Variants in WWC1 observed in about 807,000 individuals in gnomAD.
The protein encoded by WWC1 is WW and C2 domain containing 1.
A neutral mutation model predicts 138.4 loss-of-function variants in WWC1; 55 were observed. The observed-to-expected ratio is 0.40, with a 90% CI of 0.32 to 0.50. The LOEUF (loss-of-function observed/expected upper bound fraction) is 0.50, where lower values mean the gene tolerates loss of function less well. Ranked by LOEUF, WWC1 falls within the 20% of genes least tolerant of loss-of-function variation. WWC1 has a pLI of 0.72. For synonymous variants in WWC1, 524 were observed against 564.9 expected, an observed-to-expected ratio of 0.93 and a Z score of 1.03; for missense variants, 1,226 against 1,420.4, an observed-to-expected ratio of 0.86 and a Z score of 2.20.
chr5:168,355,686 G>T (rs1356889999), intron 1 of WWC1, among the ~76,000 whole-genome samples: 1 of 152,018 alleles, frequency 6.6e-6, no homozygotes, highest in Non-Finnish European at 1.5e-5. Flanking sequence ...AGCAGGTCAG[G>T]GGCAAGGAGT....
intron 3 of WWC1, among the ~76,000 whole-genome samples, chr5:168,386,428 T>A (rs1778053158): frequency 6.6e-6 from 1 of 151,840 alleles, no homozygotes; most frequent in Non-Finnish European, 1.5e-5. Flanking sequence ...AGTCTCGCTC[T>A]GTTGCCCAGG....
intron 16 of WWC1, 111 bp from the exon 17 acceptor site, chr5:168,444,383 G>A: frequency 1.8e-6 from 2 of 1,127,614 alleles, no homozygotes; most frequent in Admixed American, 2.3e-5. Flanking sequence ...CTGGTCTTTG[G>A]TTTCACCATC....
intron 11 of WWC1, among the ~76,000 whole-genome samples, chr5:168,426,835 G>A (rs1781541449): frequency 6.6e-6 from 1 of 152,246 alleles, no homozygotes; most frequent in African/African-American, 2.4e-5. Context: ...TGTTAGCTGT[G>A]AGGTTGTAAG....
At chr5:168,419,739 A>G (rs1161401583) in intron 9 of WWC1, among the ~76,000 whole-genome samples, 9 of 152,132 alleles carry the variant, frequency 5.9e-5, no homozygotes, top group African/African-American at 2.2e-4. Flanking sequence ...CTTGCTCGAT[A>G]GGGCCCTTTA....
At chr5:168,316,454 T>C (rs1771606446) in intron 1 of WWC1, among the ~76,000 whole-genome samples, 1 of 152,102 alleles carries the variant, frequency 6.6e-6, no homozygotes, top group Admixed American at 6.6e-5. Context: ...GGTGTTTTTG[T>C]GGGGCTGGCT....
chr5:168,369,330 G>A (rs917352241), intron 1 of WWC1, among the ~76,000 whole-genome samples: 2 of 152,208 alleles, frequency 1.3e-5, no homozygotes, highest in African/African-American at 4.8e-5. Context: ...GAGAAGGAAA[G>A]TAAGTTGCCT....
chr5:168,391,762 T>C (rs1323728542), intron 3 of WWC1, among the ~76,000 whole-genome samples: 2 of 42,024 alleles, frequency 4.8e-5, no homozygotes, highest in East Asian at 7.8e-4. Context: ...TTTTAAGGCA[T>C]ATATATATAT....
intron 13 of WWC1, 34 bp downstream of exon 13, chr5:168,428,821 G>C: frequency 2.5e-6 from 4 of 1,608,452 alleles, no homozygotes; most frequent in Non-Finnish European, 3.4e-6. Flanking sequence ...CAGAAGGAAC[G>C]GTCTGTGTGG....
At chr5:168,368,004 C>CT (rs1437470856) in intron 1 of WWC1, among the ~76,000 whole-genome samples, 1 of 151,994 alleles carries the variant, frequency 6.6e-6, no homozygotes, top group African/African-American at 2.4e-5. Flanking sequence ...TAACAGTATC[C>CT]TGTAGCTTTT....
chr5:168,437,290 C>G (rs568211698), intron 15 of WWC1, among the ~76,000 whole-genome samples: 44 of 152,158 alleles, frequency 2.9e-4, no homozygotes, highest in Non-Finnish European at 5.1e-4. Context: ...CCTACAGCAC[C>G]TTTTATCACC....
chr5:168,300,414 G>A (rs1769954889), intron 1 of WWC1, among the ~76,000 whole-genome samples: 1 of 151,902 alleles, frequency 6.6e-6, no homozygotes, highest in Admixed American at 6.6e-5. Flanking sequence ...AAGGACAAGT[G>A]TGGTGGGTCA....
chr5:168,454,419 T>G (rs1464210597), intron 18 of WWC1, among the ~76,000 whole-genome samples: 2 of 152,190 alleles, frequency 1.3e-5, no homozygotes, highest in Non-Finnish European at 2.9e-5. Context: ...ACTTCATCCT[T>G]CTCAAGCTTC....
chr5:168,387,787 T>C (rs1344901938), intron 3 of WWC1, among the ~76,000 whole-genome samples: 2 of 152,184 alleles, frequency 1.3e-5, no homozygotes, highest in Admixed American at 1.3e-4. Flanking sequence ...GATTAGGACA[T>C]CAATGTATTA....
chr5:168,332,773 A>G (rs1376721711), intron 1 of WWC1, among the ~76,000 whole-genome samples: 2 of 151,822 alleles, frequency 1.3e-5, no homozygotes, highest in South Asian at 2.1e-4. Flanking sequence ...CAGTGGCACA[A>G]TCTCAGCTCA....
chr5:168,361,003 C>A (rs1438782847), intron 1 of WWC1, among the ~76,000 whole-genome samples: 1 of 152,130 alleles, frequency 6.6e-6, no homozygotes, highest in Admixed American at 6.5e-5. Context: ...GTTGAGTGTC[C>A]CCAGAGTCCT....
intron 1 of WWC1, among the ~76,000 whole-genome samples, chr5:168,328,672 G>A (rs1772773459): frequency 1.3e-5 from 2 of 152,060 alleles, no homozygotes; most frequent in South Asian, 2.1e-4. Flanking sequence ...TCAGCCTCCC[G>A]AACAGCTGGG....
chr5:168,408,224 T>G (rs1381000218), intron 6 of WWC1, among the ~76,000 whole-genome samples: 1 of 151,924 alleles, frequency 6.6e-6, no homozygotes, highest in Non-Finnish European at 1.5e-5. Flanking sequence ...CTAGGTCAAG[T>G]CACACAGCTG....
intron 1 of WWC1, among the ~76,000 whole-genome samples, chr5:168,304,619 T>G (rs1770384559): frequency 6.6e-6 from 1 of 151,994 alleles, no homozygotes; most frequent in Non-Finnish European, 1.5e-5. Flanking sequence ...AATCAGAAAC[T>G]CTGGGGGTAC....
intron 3 of WWC1, among the ~76,000 whole-genome samples, chr5:168,396,165 C>T (rs1778887193): frequency 6.6e-6 from 1 of 152,122 alleles, no homozygotes; most frequent in Admixed American, 6.6e-5. Flanking sequence ...AGGCAGATCA[C>T]CTGCAGTCAG....
Sources: gnomAD v4.1 joint callset for allele counts (sites outside exome capture counted in the v4.1 genomes callset) on GRCh38, gnomAD v4.1.1 for gene constraint, MANE v1.5 for transcripts, NCBI Gene and HGNC (gene_info 2026-07-23, HGNC 2026-07-21) for gene names.